The following ANKRD28 variants were observed in gnomAD, a reference collection of about 807,000 sequenced individuals.
ANKRD28 encodes the protein ankyrin repeat domain 28.
ANKRD28 carries 44 observed loss-of-function variants against 126.5 expected under a neutral mutation model. The observed-to-expected ratio is 0.35, with a 90% CI of 0.27 to 0.45. The LOEUF (loss-of-function observed/expected upper bound fraction) is 0.45, where lower values mean the gene tolerates loss of function less well. Ranked by LOEUF, ANKRD28 falls within the 20% of genes least tolerant of loss-of-function variation. ANKRD28 has a pLI of 1.00. For missense variants in ANKRD28, 1,110 were observed against 1,316.6 expected, an observed-to-expected ratio of 0.84 and a Z score of 2.43; for synonymous variants, 442 against 468.5, an observed-to-expected ratio of 0.94 and a Z score of 0.73.
chr3:15,766,690 A>C (rs373405445), intron 2 of ANKRD28, among the ~76,000 whole-genome samples: 156 of 152,334 alleles, frequency 1.0e-3, no homozygotes, highest in African/African-American at 3.6e-3. Context: ...ACAAAAAAAA[A>C]CAACAAAACA....
chr3:15,830,464 A>G lies in ANKRD28; in HGVS notation c.27+28913T>C, dbSNP rs973732346. Among the ~76,000 whole-genome samples the G allele has an allele frequency of 2.0e-5, 3 of 152,238 alleles. No homozygotes were observed. Among genetic ancestry groups the G allele is most frequent in the African/African-American group, 7.2e-5 (3 of 41,550 alleles). Reference sequence around the variant, plus strand: ...GCATTAGATTCTCATAGGACTGCCAATCCTATTTTGAATTGCACATCTGAG... The same window carrying G: ...GCATTAGATTCTCATAGGACTGCCAGTCCTATTTTGAATTGCACATCTGAG... On this transcript the variant is annotated intron_variant, in intron 1 of 27. Coordinates refer to the ANKRD28 transcript ENST00000399451. The surrounding 1 kb of genome is among the most constrained non-coding windows in gnomAD (Gnocchi z 4.5).
At chr3:15,777,625 C>T (rs947865029) in intron 2 of ANKRD28, among the ~76,000 whole-genome samples, 1 of 152,140 alleles carries the variant, frequency 6.6e-6, no homozygotes, top group Non-Finnish European at 1.5e-5. Flanking sequence ...AGTCAAGTGT[C>T]AGCTGCCCAA....
At chr3:15,715,252 T>C (rs1325774216) in intron 8 of ANKRD28, among the ~76,000 whole-genome samples, 2 of 152,176 alleles carry the variant, frequency 1.3e-5, no homozygotes, top group Non-Finnish European at 2.9e-5. Flanking sequence ...TTTTCTTTTC[T>C]AAAATCTTTC....
chr3:15,858,331 T>C (rs2126013238), intron 1 of ANKRD28, among the ~76,000 whole-genome samples: 1 of 152,336 alleles, frequency 6.6e-6, no homozygotes, highest in Middle Eastern at 3.4e-3. Flanking sequence ...ACCATTCTGA[T>C]ACCTAATGAT....
intron 1 of ANKRD28, among the ~76,000 whole-genome samples, chr3:15,831,076 T>C (rs2125934755): frequency 6.6e-6 from 1 of 152,330 alleles, no homozygotes; most frequent in Admixed American, 6.5e-5. Context: ...CTCTGTCCTA[T>C]GCACCTTTAC....
chr3:15,829,613 CGAA>C (rs1184524354), intron 1 of ANKRD28, among the ~76,000 whole-genome samples: 4 of 152,062 alleles, frequency 2.6e-5, no homozygotes, highest in African/African-American at 9.7e-5. Context: ...CACTGGTTTA[CGAA>C]GGTCTTCAAT....
rs879319232 is a variant in ANKRD28, at chr3:15,668,355, ATTTT to A, written c.*1911_*1914del. The stretch of plus-strand genomic sequence containing the variant: ...TATGTATACTTTTAGAATCTGCTTG[ATTTT>A]TTTTTTTTTCAAAAGGTACAATAGA... On this transcript the variant is annotated 3_prime_UTR_variant, in exon 28 of 28. Coordinates refer to ENST00000683139, the MANE Select transcript of ANKRD28 (RefSeq NM_001349278.2). 6.9e-6 allele frequency: 1 copy of A among 145,224 alleles called. No individual in the cohort carries two copies. The highest frequency in any genetic ancestry group is 1.5e-5 in the Non-Finnish European group (1 of 65,536). 9.0% of individuals were successfully genotyped at this position (145,224 alleles called of 1,614,324 possible).
At chr3:15,691,095 A>G (rs2068737106) in intron 17 of ANKRD28, among the ~76,000 whole-genome samples, 1 of 152,148 alleles carries the variant, frequency 6.6e-6, no homozygotes, top group Non-Finnish European at 1.5e-5. Flanking sequence ...GTACAAAAGT[A>G]AGACTGAAGA....
At chr3:15,747,672 T>C (rs2057569890) in intron 4 of ANKRD28, among the ~76,000 whole-genome samples, 1 of 152,208 alleles carries the variant, frequency 6.6e-6, no homozygotes, top group African/African-American at 2.4e-5. Context: ...TATTCTGCAG[T>C]TGTTTGGTAG....
In ANKRD28 at chr3:15,712,176, C is replaced by T. The variant is rs756948440; in HGVS notation, c.1237G>A (p.Gly413Ser). The T allele has an allele frequency of 2.5e-6, 4 of 1,585,388 alleles. No individual in the cohort carries two copies. The highest frequency in any genetic ancestry group is 2.3e-5 in the East Asian group (1 of 43,666). Residue 413 changes from glycine (G) to serine (S), a missense_variant, in exon 11 of 28, where the codon GGC becomes AGC. Physicochemically the swap from Gly to Ser is moderately conservative, Grantham distance 56. Transcript: ENST00000683139. ...AGTTTTCTGCAGCAATCTGAAAAGC[C>T]GCTTAAGGCTGCCAAATGGAGGGGG... is the stretch of plus-strand genomic sequence containing the variant. The part of the protein sequence containing the change: ...MFPLHLAALS[G>S]FSDCCRKLLS...
intron 21 of ANKRD28, among the ~76,000 whole-genome samples, chr3:15,680,565 A>T (rs774466359): frequency 6.6e-6 from 1 of 152,140 alleles, no homozygotes; most frequent in Non-Finnish European, 1.5e-5. Flanking sequence ...ATCATAAATT[A>T]TTTAATCTAA....
chr3:15,766,856 T>C (rs570301709), intron 2 of ANKRD28, among the ~76,000 whole-genome samples: 87 of 140,548 alleles, frequency 6.2e-4, no homozygotes, highest in Non-Finnish European at 1.0e-3. Context: ...GCTGCTGATA[T>C]ATATAGGAAA....
intron 2 of ANKRD28, among the ~76,000 whole-genome samples, chr3:15,785,395 C>T (rs756184849): frequency 1.9e-4 from 29 of 151,962 alleles, no homozygotes; most frequent in African/African-American, 6.3e-4. Flanking sequence ...GTTTAAAAAA[C>T]GGACCAAGGA....
rs1282837462 is a variant in ANKRD28 at position 15,724,477 on chromosome 3, T to C, written c.688A>G (p.Thr230Ala). Residue 230 changes from threonine (T) to alanine (A), a missense_variant, in exon 7 of 28, where the codon ACA (threonine) becomes GCA (alanine). Transcript: ENST00000683139. ...KLLVSHGAEV[T>A]CKDKKSYTPL... ...GTATAAGACTTTTTATCCTTGCATG[T>C]CACTTCAGCTCCATGCGACACAAGC... is the stretch of plus-strand genomic sequence containing the variant. 1 of 1,593,650 alleles carries C rather than the reference T, an allele frequency of 6.3e-7. No individual in the cohort carries two copies. Among genetic ancestry groups the C allele is most frequent in the Non-Finnish European group, 8.6e-7 (1 of 1,169,022 alleles).
chr3:15,710,126 C>T (rs895123974), intron 12 of ANKRD28, among the ~76,000 whole-genome samples: 9 of 151,960 alleles, frequency 5.9e-5, no homozygotes, highest in African/African-American at 2.2e-4. Context: ...CCTCCAACTC[C>T]TGGATATAAG....
chr3:15,754,462 C>T (rs2058049653), intron 3 of ANKRD28, among the ~76,000 whole-genome samples: 1 of 151,976 alleles, frequency 6.6e-6, no homozygotes, highest in African/African-American at 2.4e-5. Context: ...TAAAATGCTT[C>T]CTTTAAGTGA....
rs928279978 is a variant in ANKRD28 at position 15,797,572 on chromosome 3, G to C, written c.-1051C>G. 14 of 984,908 alleles carry C rather than the reference G, an allele frequency of 1.4e-5. No homozygotes were observed. Among genetic ancestry groups the C allele is most frequent in the Non-Finnish European group, 1.6e-5 (13 of 829,788 alleles). The allele number at this position is 984,908 out of a possible 1,614,324, so 61.0% of individuals were successfully genotyped here. A position where few individuals can be genotyped will look rare whatever the true frequency, so the allele number is the denominator to read the frequency against. ...TTTGTTTTCTTTAAAAAAAAAAAGG[G>C]GGGGGAAAAACATAGTAGTGTATCA... On this transcript the variant is annotated 5_prime_UTR_variant, in exon 1 of 28. Transcript: ENST00000683139.
intron 16 of ANKRD28, 45 bp from the exon 17 acceptor site, chr3:15,694,858 G>C (rs761395531): frequency 7.7e-6 from 12 of 1,558,442 alleles, no homozygotes; most frequent in Non-Finnish European, 8.8e-6. Context: ...ACATACTACA[G>C]CAATTATTCT....
chr3:15,847,891 G>C (rs13092817), intron 1 of ANKRD28, among the ~76,000 whole-genome samples: 96,187 of 152,064 alleles, frequency 0.63, 31,730 homozygotes, highest in East Asian at 0.91. Context: ...AGTGGCTCAT[G>C]ATTGCTTTCA....
Sources: gnomAD v4.1 joint callset for allele counts (sites outside exome capture counted in the v4.1 genomes callset) on GRCh38, gnomAD v4.1.1 for gene constraint, Gnocchi (gnomAD v3.1) non-coding constraint, MANE v1.5 for transcripts, NCBI Gene and HGNC (gene_info 2026-07-23, HGNC 2026-07-21) for gene names.